Variants in LUZP2 observed in about 807,000 individuals in gnomAD.
LUZP2 encodes the protein leucine zipper protein 2.
In LUZP2, 52 loss-of-function variants were observed where a neutral mutation model predicts 51.6. The ratio of observed to expected loss-of-function variants is 1.01; its 90% CI spans 0.81 to 1.27. LUZP2 has a LOEUF of 1.27. LUZP2 is among the 50% of genes most tolerant of loss of function. The probability of loss-of-function intolerance (pLI) is 0.00; values close to 1 mark genes in which losing one functional copy is unlikely to be tolerated. For synonymous variants in LUZP2, 154 were observed against 137.3 expected (o/e 1.12, Z -0.85); for missense variants, 436 against 395.4 (o/e 1.10, Z -0.87).
chr11:24,600,234 A>G (rs2133860770), intron 1 of LUZP2, among the ~76,000 whole-genome samples: 1 of 151,096 alleles, frequency 6.6e-6, no homozygotes, highest in Non-Finnish European at 1.5e-5. Context: ...ATGGGGTAAC[A>G]TCATGTGAAG....
At chr11:24,730,725 C>T (rs930346047) in intron 2 of LUZP2, among the ~76,000 whole-genome samples, 1 of 151,716 alleles carries the variant, frequency 6.6e-6, no homozygotes, top group Non-Finnish European at 1.5e-5. Context: ...ACAATATTCC[C>T]AGAATACTCA....
At chr11:24,692,804 T>C (rs960724400) in intron 1 of LUZP2, among the ~76,000 whole-genome samples, 9 of 151,990 alleles carry the variant, frequency 5.9e-5, no homozygotes, top group Non-Finnish European at 1.3e-4. Flanking sequence ...TTTAGGAGAA[T>C]ATTAAATTAT....
At chr11:24,548,608 T>C (rs1851631249) in intron 1 of LUZP2, among the ~76,000 whole-genome samples, 1 of 151,976 alleles carries the variant, frequency 6.6e-6, no homozygotes. Context: ...GTACTATGCT[T>C]ATTATCTGGG....
At chr11:24,755,080 G>T (rs1486753802) in intron 4 of LUZP2, among the ~76,000 whole-genome samples, 1 of 151,930 alleles carries the variant, frequency 6.6e-6, no homozygotes, top group African/African-American at 2.4e-5. Flanking sequence ...GGGAGGTGGA[G>T]GTTGCAGTGA....
chr11:24,856,423 T>A (rs1851567781), intron 5 of LUZP2, among the ~76,000 whole-genome samples: 1 of 152,052 alleles, frequency 6.6e-6, no homozygotes, highest in African/African-American at 2.4e-5. Flanking sequence ...TATTAAAAAG[T>A]CAATAAAAGT....
chr11:25,051,554 G>A (rs1257711512), intron 10 of LUZP2, among the ~76,000 whole-genome samples: 1 of 152,132 alleles, frequency 6.6e-6, no homozygotes, highest in Non-Finnish European at 1.5e-5. Flanking sequence ...ATTTGCAGAG[G>A]CAGGAAAATA....
At chr11:24,507,440 C>T (rs2133766628) in intron 1 of LUZP2, among the ~76,000 whole-genome samples, 1 of 152,112 alleles carries the variant, frequency 6.6e-6, no homozygotes, top group East Asian at 1.9e-4. Context: ...CTCCAGGCTG[C>T]TTTTATCAGT....
chr11:24,881,776 G>T (rs1852477163), intron 5 of LUZP2, among the ~76,000 whole-genome samples: 1 of 151,984 alleles, frequency 6.6e-6, no homozygotes, highest in Admixed American at 6.5e-5. Context: ...TATTAAAATT[G>T]CTGTGAATAG....
intron 1 of LUZP2, among the ~76,000 whole-genome samples, chr11:24,686,141 C>T (rs929847563): frequency 2.0e-5 from 3 of 150,878 alleles, no homozygotes; most frequent in African/African-American, 7.3e-5. Context: ...TTTCAGTATG[C>T]AGTAAAATAC....
At chr11:24,707,799 A>G (rs1188340371) in intron 1 of LUZP2, among the ~76,000 whole-genome samples, 1 of 152,184 alleles carries the variant, frequency 6.6e-6, no homozygotes, top group East Asian at 1.9e-4. Flanking sequence ...GCACTCGAAT[A>G]TAAAATTTTC....
intron 7 of LUZP2, among the ~76,000 whole-genome samples, chr11:24,934,066 G>A (rs543754220): frequency 5.3e-5 from 8 of 152,254 alleles, no homozygotes; most frequent in South Asian, 4.1e-4. Flanking sequence ...GTACATTATC[G>A]CAAGGGCAGG....
intron 5 of LUZP2, among the ~76,000 whole-genome samples, chr11:24,833,712 G>GCACACACACACACACA (rs71044309): frequency 4.9e-4 from 72 of 147,234 alleles, no homozygotes; most frequent in South Asian, 2.0e-3. Context: ...CCGCGCGCGC[G>GCACACACACACACACA]CACACACACA....
At chr11:24,928,108 G>C (rs957257321) in intron 7 of LUZP2, among the ~76,000 whole-genome samples, 2 of 152,088 alleles carry the variant, frequency 1.3e-5, no homozygotes, top group African/African-American at 4.8e-5. Context: ...AAACTTTGCT[G>C]AATTTAATTA....
intron 1 of LUZP2, among the ~76,000 whole-genome samples, chr11:24,507,222 T>A (rs1850169877): frequency 6.6e-6 from 1 of 152,062 alleles, no homozygotes; most frequent in Non-Finnish European, 1.5e-5. Context: ...CATTTTAATA[T>A]GGAACTTCCT....
chr11:25,009,883 G>A (rs1856935244), intron 9 of LUZP2, among the ~76,000 whole-genome samples: 1 of 152,076 alleles, frequency 6.6e-6, no homozygotes, highest in Non-Finnish European at 1.5e-5. Flanking sequence ...CCTCACCCAT[G>A]ACCTTTCCTT....
chr11:24,523,239 A>AT (rs551670301), intron 1 of LUZP2, among the ~76,000 whole-genome samples: 2 of 152,002 alleles, frequency 1.3e-5, no homozygotes, highest in Admixed American at 1.3e-4. Flanking sequence ...ACGATGCTTA[A>AT]TTTTGCCCAG....
chr11:25,049,857 C>G (rs1858435553), intron 9 of LUZP2, among the ~76,000 whole-genome samples, 181 bp from the exon 10 acceptor site: 1 of 151,934 alleles, frequency 6.6e-6, no homozygotes, highest in South Asian at 2.1e-4. Flanking sequence ...AAGAATTTTT[C>G]AAGGTATATT....
chr11:25,054,847 G>A (rs1858629143), intron 10 of LUZP2, among the ~76,000 whole-genome samples: 1 of 151,744 alleles, frequency 6.6e-6, no homozygotes, highest in African/African-American at 2.4e-5. Flanking sequence ...ACAATTTAAA[G>A]TACTGTGACT....
Position 25,035,159 on chromosome 11 carries a change from C to T in LUZP2, c.766-14879C>T, listed in dbSNP as rs76007445. ...GATGCTCATTCTCACCACTGATATG[C>T]AACATAGTACTGGAAGCCCCAGTCA... On this transcript the variant is annotated intron_variant, in intron 9 of 11. Coordinates refer to ENST00000336930, the MANE Select transcript of LUZP2 (RefSeq NM_001009909.4). 7.8e-3 allele frequency among the ~76,000 whole-genome samples: 1,191 copies of T among 152,144 alleles called. 34 individuals carry two copies. The East Asian group carries it at 0.099, about 13-fold the overall frequency.
Sources: gnomAD v4.1 joint callset for allele counts (sites outside exome capture counted in the v4.1 genomes callset) on GRCh38, gnomAD v4.1.1 for gene constraint, MANE v1.5 for transcripts, NCBI Gene and HGNC (gene_info 2026-07-23, HGNC 2026-07-21) for gene names.